The following RBFOX1 variants were observed in gnomAD, a reference collection of about 807,000 sequenced individuals.
RBFOX1 encodes RNA binding protein fox-1 homolog 1.
Under a neutral mutation model 57.7 loss-of-function variants are expected in RBFOX1, and 8 were observed. The ratio of observed to expected loss-of-function variants is 0.14; its 90% CI spans 0.08 to 0.25. RBFOX1 has a LOEUF of 0.25. Ranked by LOEUF, RBFOX1 falls within the 10% of genes least tolerant of loss-of-function variation. RBFOX1 has a pLI of 1.00. For missense variants in RBFOX1, 611 were observed against 548.5 expected (o/e 1.11, Z -1.14); for synonymous variants, 326 against 222.4 (o/e 1.47, Z -4.15).
intron 4 of RBFOX1, among the ~76,000 whole-genome samples, chr16:6,007,305 G>A (rs2094933398): frequency 6.6e-6 from 1 of 152,114 alleles, no homozygotes; most frequent in South Asian, 2.1e-4. Flanking sequence ...TGCTCTAAGG[G>A]GATCCAGCTA....
intron 2 of RBFOX1, among the ~76,000 whole-genome samples, chr16:6,387,709 G>C (rs980680864): frequency 1.3e-5 from 2 of 152,000 alleles, no homozygotes; most frequent in Non-Finnish European, 2.9e-5. Flanking sequence ...TTTGTTTTGA[G>C]GGTGTATAGT....
At chr16:5,270,202 T>C in intron 1 of RBFOX1, 1 of 455,160 alleles carries the variant, frequency 2.2e-6, no homozygotes, top group Admixed American at 3.0e-5. Flanking sequence ...AAGTGCCTTA[T>C]GAAAGGTGGC....
At chr16:6,825,236 C>T (rs913612050) in intron 3 of RBFOX1, among the ~76,000 whole-genome samples, 3 of 150,554 alleles carry the variant, frequency 2.0e-5, no homozygotes, top group East Asian at 2.0e-4. Flanking sequence ...AACCTCACTG[C>T]CCTCTAGCTA....
At chr16:6,658,952 T>TTTTTG (rs1222998925) in intron 3 of RBFOX1, among the ~76,000 whole-genome samples, 13 of 151,332 alleles carry the variant, frequency 8.6e-5, no homozygotes, top group Non-Finnish European at 1.8e-4. Context: ...TTTGTTTTTT[T>TTTTTG]TTTTCCTCCT....
chr16:6,450,770 T>TATATATATACATATATATATATAC (rs2094577106), intron 2 of RBFOX1, among the ~76,000 whole-genome samples: 2 of 19,916 alleles, frequency 1.0e-4, no homozygotes, highest in African/African-American at 8.9e-4. Context: ...TATATGTGTA[T>TATATATATACATATATATATATAC]ATATATATAT....
intron 2 of RBFOX1, among the ~76,000 whole-genome samples, chr16:5,510,628 A>C (rs1003050385): frequency 6.6e-6 from 1 of 152,176 alleles, no homozygotes; most frequent in East Asian, 1.9e-4. Context: ...CTAGCAATTC[A>C]ATCTGCAAGG....
intron 2 of RBFOX1, among the ~76,000 whole-genome samples, chr16:6,469,665 C>T (rs772680617): frequency 6.6e-6 from 1 of 152,162 alleles, no homozygotes; most frequent in Non-Finnish European, 1.5e-5. Flanking sequence ...ATTTTTTCCT[C>T]CTCCTGTTTT....
intron 2 of RBFOX1, among the ~76,000 whole-genome samples, chr16:6,440,294 G>C (rs1422480278): frequency 6.6e-6 from 1 of 152,102 alleles, no homozygotes; most frequent in Non-Finnish European, 1.5e-5. Flanking sequence ...GCATGAAATA[G>C]GATATTGAAG....
Position 7,572,620 on chromosome 16 carries a change from A to T in RBFOX1, c.271-7157A>T, listed in dbSNP as rs375334400. 8.5e-5 allele frequency among the ~76,000 whole-genome samples: 13 copies of T among 152,100 alleles called. No homozygotes were observed. The East Asian group carries it at 1.5e-3, about 18-fold the overall frequency. On this transcript the variant is annotated intron_variant, in intron 5 of 15. Coordinates refer to ENST00000550418, the MANE Select transcript of RBFOX1 (RefSeq NM_018723.4). ...TTTGGGAGGCTGAGGCGGGCGGATC[A>T]CGAGGTCAGGAGATCGAGACCATCC...
At chr16:7,387,245 C>T (rs2097899891) in intron 4 of RBFOX1, among the ~76,000 whole-genome samples, 1 of 152,106 alleles carries the variant, frequency 6.6e-6, no homozygotes, top group African/African-American at 2.4e-5. Context: ...CATGCATTAT[C>T]TTGCTAAATT....
chr16:5,983,242 A>G (rs756635685), intron 4 of RBFOX1, among the ~76,000 whole-genome samples: 5 of 152,202 alleles, frequency 3.3e-5, no homozygotes, highest in Non-Finnish European at 7.3e-5. Flanking sequence ...TGGCAGATCC[A>G]TTGTGTGCGC....
At chr16:5,770,876 C>A (rs1410738680) in intron 3 of RBFOX1, among the ~76,000 whole-genome samples, 1 of 152,232 alleles carries the variant, frequency 6.6e-6, no homozygotes, top group African/African-American at 2.4e-5. Flanking sequence ...TTTCTCTGAG[C>A]TGAGTCTTCT....
intron 2 of RBFOX1, among the ~76,000 whole-genome samples, chr16:5,503,318 G>A (rs2043262833): frequency 6.6e-6 from 1 of 152,200 alleles, no homozygotes; most frequent in African/African-American, 2.4e-5. Flanking sequence ...TTTCACCACT[G>A]TCCCCCACTC....
intron 1 of RBFOX1, among the ~76,000 whole-genome samples, chr16:6,312,653 TTTCC>T (rs71145211): frequency 0.19 from 23,432 of 125,910 alleles, 2,426 homozygotes; most frequent in East Asian, 0.23. Flanking sequence ...TAGTTCCTTC[TTTCC>T]TTCCTTCCTT....
rs1567554186 is a variant in RBFOX1, at chr16:7,504,746, TA to T, written c.28-13400del. 3.3e-3 allele frequency among the ~76,000 whole-genome samples: 46 copies of T among 13,902 alleles called. 2 individuals carry two copies. The highest frequency in any genetic ancestry group is 7.2e-3 in the African/African-American group (33 of 4,570). The allele number at this position is 13,902 out of a possible 152,430, so 9.1% of individuals were successfully genotyped here. ...ATATATATATATATATATATATATA[TA>T]TATATATTTATATATATATATATTT... is the stretch of plus-strand genomic sequence containing the variant. On this transcript the variant is annotated intron_variant, in intron 4 of 15. Transcript: ENST00000550418.
chr16:6,977,132 G>T (rs1317704683), intron 3 of RBFOX1, among the ~76,000 whole-genome samples: 9 of 130,102 alleles, frequency 6.9e-5, no homozygotes, highest in African/African-American at 2.0e-4. Flanking sequence ...TCATATATAT[G>T]ATATATATTA....
At chr16:5,827,488 A>G (rs1597399806) in intron 3 of RBFOX1, among the ~76,000 whole-genome samples, 1 of 151,644 alleles carries the variant, frequency 6.6e-6, no homozygotes, top group African/African-American at 2.4e-5. Context: ...ACAACTCTCT[A>G]TGCACCCCGA....
chr16:5,855,842 C>G (rs1029863296), intron 3 of RBFOX1, among the ~76,000 whole-genome samples: 2 of 151,812 alleles, frequency 1.3e-5, no homozygotes, highest in Non-Finnish European at 2.9e-5. Context: ...TTTATTAATC[C>G]TATCCGTGAA....
intron 3 of RBFOX1, among the ~76,000 whole-genome samples, chr16:5,671,284 T>C (rs2050004921): frequency 6.6e-6 from 1 of 152,166 alleles, no homozygotes; most frequent in African/African-American, 2.4e-5. Flanking sequence ...TTCTGAAATC[T>C]AAGAGCAAGG....
Sources: allele counts gnomAD v4.1 joint callset (sites outside exome capture counted in the v4.1 genomes callset), GRCh38; gene constraint gnomAD v4.1.1; transcripts MANE v1.5; gene names NCBI Gene and HGNC (gene_info 2026-07-23, HGNC 2026-07-21).